EXOC4: variants seen among roughly 807,000 people sequenced by gnomAD.
EXOC4 encodes exocyst complex component 4.
A neutral mutation model predicts 107.2 loss-of-function variants in EXOC4; 71 were observed. That is an observed-to-expected ratio of 0.66 (90% CI 0.55 to 0.81). The LOEUF (loss-of-function observed/expected upper bound fraction) is 0.81, where lower values mean the gene tolerates loss of function less well. Ranked by LOEUF, EXOC4 falls within the 30% of genes least tolerant of loss-of-function variation. The pLI, the probability that EXOC4 is intolerant of heterozygous loss-of-function variation, is 0.00. For missense variants in EXOC4, 1,108 were observed against 1,189.6 expected (o/e 0.93, Z 1.01); for synonymous variants, 456 against 441.2 (o/e 1.03, Z -0.42).
chr7:133,603,600 G>A (rs553199687), intron 9 of EXOC4, among the ~76,000 whole-genome samples: 1 of 152,162 alleles, frequency 6.6e-6, no homozygotes, highest in Non-Finnish European at 1.5e-5. Flanking sequence ...GTAGGCAATT[G>A]TAACAAAACG....
At chr7:133,767,676 G>A (rs1242887350) in intron 10 of EXOC4, among the ~76,000 whole-genome samples, 2 of 151,936 alleles carry the variant, frequency 1.3e-5, no homozygotes, top group African/African-American at 2.4e-5. Context: ...CAGAGAAAGG[G>A]GTAACTGCTG....
At chr7:133,988,627 C>G (rs893010982) in intron 14 of EXOC4, among the ~76,000 whole-genome samples, 32 of 152,134 alleles carry the variant, frequency 2.1e-4, no homozygotes, top group African/African-American at 7.5e-4. Flanking sequence ...GAGCCATTGA[C>G]CCTTCCTGGG....
intron 9 of EXOC4, among the ~76,000 whole-genome samples, chr7:133,621,418 G>A (rs1185039332): frequency 6.6e-6 from 1 of 152,108 alleles, no homozygotes; most frequent in Non-Finnish European, 1.5e-5. Flanking sequence ...ATTATTTTAT[G>A]GTCATTAGCC....
intron 10 of EXOC4, among the ~76,000 whole-genome samples, chr7:133,807,543 A>G (rs1158320084): frequency 6.6e-6 from 1 of 152,180 alleles, no homozygotes; most frequent in East Asian, 1.9e-4. Flanking sequence ...GGATATTTTG[A>G]ATAAATTGCA....
At chr7:133,368,804 T>G (rs558404768) in intron 6 of EXOC4, among the ~76,000 whole-genome samples, 4 of 152,320 alleles carry the variant, frequency 2.6e-5, no homozygotes, top group African/African-American at 7.2e-5. Flanking sequence ...GTATGTGTGT[T>G]ATTTTTTTCT....
chr7:133,939,568 C>G (rs539935003), intron 14 of EXOC4, among the ~76,000 whole-genome samples: 5 of 152,274 alleles, frequency 3.3e-5, no homozygotes, highest in Admixed American at 3.3e-4. Flanking sequence ...TGCTGTATTA[C>G]CCAGGCTAGT....
chr7:133,550,383 T>G (rs566407804), intron 9 of EXOC4, among the ~76,000 whole-genome samples: 5 of 152,340 alleles, frequency 3.3e-5, no homozygotes, highest in African/African-American at 4.8e-5. Context: ...AGACTTGTTT[T>G]ATTATACATT....
intron 11 of EXOC4, among the ~76,000 whole-genome samples, chr7:133,860,109 C>G (rs970747941): frequency 6.6e-6 from 1 of 152,176 alleles, no homozygotes; most frequent in Non-Finnish European, 1.5e-5. Context: ...AGATAGAATT[C>G]TGAAGGCCAA....
chr7:133,896,670 A>T (rs545119500), intron 12 of EXOC4, among the ~76,000 whole-genome samples: 1 of 149,154 alleles, frequency 6.7e-6, no homozygotes, highest in African/African-American at 2.5e-5. Context: ...TTATTTATTT[A>T]TTCATTTATT....
At chr7:133,493,118 G>A (rs1454977917) in intron 9 of EXOC4, among the ~76,000 whole-genome samples, 1 of 152,126 alleles carries the variant, frequency 6.6e-6, no homozygotes, top group Non-Finnish European at 1.5e-5. Flanking sequence ...GTTAACACAT[G>A]TAAAATGTTT....
At chr7:133,935,005 C>G (rs1161873775) in intron 13 of EXOC4, among the ~76,000 whole-genome samples, 2 of 151,300 alleles carry the variant, frequency 1.3e-5, no homozygotes, top group Non-Finnish European at 2.9e-5. Context: ...CTAACAGAAA[C>G]TTGAAATAGC....
At chr7:133,471,084 C>G (rs1296437178) in intron 7 of EXOC4, among the ~76,000 whole-genome samples, 1 of 152,016 alleles carries the variant, frequency 6.6e-6, no homozygotes, top group Non-Finnish European at 1.5e-5. Flanking sequence ...TTTCAGGTAT[C>G]CTAGAAATAA....
At chr7:133,260,144 T>TTA (rs1197385443) in intron 1 of EXOC4, among the ~76,000 whole-genome samples, 1 of 152,240 alleles carries the variant, frequency 6.6e-6, no homozygotes, top group Non-Finnish European at 1.5e-5. Flanking sequence ...CCAATTTACT[T>TTA]TATATGTGTG....
chr7:133,530,682 A>C (rs1018480412), intron 9 of EXOC4, among the ~76,000 whole-genome samples: 1 of 152,192 alleles, frequency 6.6e-6, no homozygotes, highest in Non-Finnish European at 1.5e-5. Context: ...GTAACTTTTT[A>C]TTAATCCAAG....
chr7:133,755,446 CGA>C (rs1795896399), intron 10 of EXOC4, among the ~76,000 whole-genome samples: 1 of 147,096 alleles, frequency 6.8e-6, no homozygotes, highest in Admixed American at 6.8e-5. Context: ...TGGGTTCAAG[CGA>C]TTCTCCTGCC....
intron 4 of EXOC4, among the ~76,000 whole-genome samples, chr7:133,311,792 G>A (rs1794877409): frequency 1.3e-5 from 2 of 152,032 alleles, no homozygotes; most frequent in Admixed American, 1.3e-4. Context: ...CAGTAAAGCG[G>A]GATATAGACT....
chr7:134,084,727 A>AAAAAAG, the EXOC4 span, among the ~76,000 whole-genome samples: 3 of 145,114 alleles, frequency 2.1e-5, no homozygotes, highest in Non-Finnish European at 3.0e-5. Flanking sequence ...AAAAAAAAAA[A>AAAAAAG]AAATTCACCA....
At chr7:133,683,375 GT>G (rs1377992781) in intron 10 of EXOC4, among the ~76,000 whole-genome samples, 1 of 152,078 alleles carries the variant, frequency 6.6e-6, no homozygotes, top group Non-Finnish European at 1.5e-5. Flanking sequence ...AACTCACAGT[GT>G]ACTGATTTTA....
At chr7:133,516,772 T>TTTTTTTTTTTTTTTTTTA (rs71188898) in intron 9 of EXOC4, among the ~76,000 whole-genome samples, 1 of 146,314 alleles carries the variant, frequency 6.8e-6, no homozygotes, top group African/African-American at 2.5e-5. Context: ...TTTTTTTTTT[T>TTTTTTTTTTTTTTTTTTA]ACAGAATTTA....
Sources: gnomAD v4.1 joint callset for allele counts (sites outside exome capture counted in the v4.1 genomes callset) on GRCh38, gnomAD v4.1.1 for gene constraint, MANE v1.5 for transcripts, NCBI Gene and HGNC (gene_info 2026-07-23, HGNC 2026-07-21) for gene names.